Variants in MLLT3 observed in about 807,000 individuals in gnomAD.
The protein encoded by MLLT3 is MLLT3 super elongation complex subunit.
A neutral mutation model predicts 53.2 loss-of-function variants in MLLT3; 4 were observed. That is an observed-to-expected ratio of 0.08 (90% confidence interval 0.04 to 0.17). MLLT3 has a LOEUF of 0.17. Among genes scored for constraint, MLLT3 ranks in the 10% least tolerant of loss-of-function variants. The probability of loss-of-function intolerance (pLI) is 1.00; values close to 1 mark genes in which losing one functional copy is unlikely to be tolerated. For synonymous variants in MLLT3, 283 were observed against 230.6 expected, an observed-to-expected ratio of 1.23 and a Z score of -2.06; for missense variants, 569 against 684.0, an observed-to-expected ratio of 0.83 and a Z score of 1.87.
chr9:20,541,193 G>C (rs1005234304), intron 2 of MLLT3, among the ~76,000 whole-genome samples: 1 of 152,072 alleles, frequency 6.6e-6, no homozygotes, highest in Non-Finnish European at 1.5e-5. Context: ...CAACATTTTT[G>C]TCAAAACCAT....
chr9:20,620,927 G>T lies in MLLT3; in HGVS notation c.13-93C>A. The T allele has an allele frequency of 1.3e-5, 18 of 1,369,970 alleles. No individual in the cohort carries two copies. Among genetic ancestry groups the T allele is most frequent in the African/African-American group, 1.4e-5 (1 of 69,986 alleles). The allele number at this position is 1,369,970 out of a possible 1,614,324, so 84.9% of individuals were successfully genotyped here. A position where few individuals can be genotyped will look rare whatever the true frequency, so the allele number is the denominator to read the frequency against. On this transcript the variant is annotated intron_variant, in intron 1 of 10. Transcript: ENST00000380338. The surrounding 1 kb of genome is among the most constrained non-coding windows in gnomAD (Gnocchi z 6.1). ...GCCTGACATTTTTTTCCTCCTTCTTGAAACGCACATAAAAGGAAACGGCGG... is the reference window on the plus strand; with the variant it reads ...GCCTGACATTTTTTTCCTCCTTCTTTAAACGCACATAAAAGGAAACGGCGG...
intron 2 of MLLT3, among the ~76,000 whole-genome samples, chr9:20,557,894 A>G (rs1819104112): frequency 6.6e-6 from 1 of 152,190 alleles, no homozygotes; most frequent in South Asian, 2.1e-4. Flanking sequence ...TTCATTCCTT[A>G]TCTTGAATCA....
At chr9:20,433,763 C>T (rs914315444) in intron 4 of MLLT3, among the ~76,000 whole-genome samples, 1 of 151,970 alleles carries the variant, frequency 6.6e-6, no homozygotes, top group Non-Finnish European at 1.5e-5. Flanking sequence ...TTGATGGAGG[C>T]TAAGACATGA....
chr9:20,368,713 C>A (rs1214388065), intron 5 of MLLT3, among the ~76,000 whole-genome samples: 1 of 152,074 alleles, frequency 6.6e-6, no homozygotes, highest in Admixed American at 6.6e-5. Flanking sequence ...GAACATAACA[C>A]AACAGGAAAA....
chr9:20,417,763 A>C lies in MLLT3; in HGVS notation c.421-3338T>G, dbSNP rs117405367. On this transcript the variant is annotated intron_variant, in intron 4 of 10. Transcript: ENST00000380338. ...CCTTGTTTTAATTTTTTGGAACAGA[A>C]TGGGTATCTTTAATGTTTAATCTCT... Among the ~76,000 whole-genome samples the C allele has an allele frequency of 3.7e-3, 562 of 152,256 alleles. 2 individuals carry two copies. The highest frequency in any genetic ancestry group is 5.8e-3 in the Admixed American group (88 of 15,288).
chr9:20,478,620 G>A (rs1324996255), intron 2 of MLLT3, among the ~76,000 whole-genome samples: 1 of 152,156 alleles, frequency 6.6e-6, no homozygotes, highest in Non-Finnish European at 1.5e-5. Flanking sequence ...CTATAGTTAA[G>A]ATGGAAGATA....
chr9:20,408,592 G>A (rs939724783), intron 5 of MLLT3, among the ~76,000 whole-genome samples: 2 of 152,146 alleles, frequency 1.3e-5, no homozygotes, highest in Admixed American at 6.5e-5. Flanking sequence ...GCCCCCTGGA[G>A]AGCCAGGGCA....
chr9:20,484,010 C>T (rs973637443), intron 2 of MLLT3, among the ~76,000 whole-genome samples: 1 of 151,950 alleles, frequency 6.6e-6, no homozygotes, highest in Non-Finnish European at 1.5e-5. Context: ...CGTGCCCGGC[C>T]CAGTAAAACT....
chr9:20,487,498 A>C (rs1452546192), intron 2 of MLLT3, among the ~76,000 whole-genome samples: 5 of 152,128 alleles, frequency 3.3e-5, no homozygotes, highest in Admixed American at 3.3e-4. Context: ...AACCGGAGCC[A>C]TGCTTTCCCA....
intron 2 of MLLT3, among the ~76,000 whole-genome samples, chr9:20,570,229 A>G (rs1423180805): frequency 6.6e-6 from 1 of 152,184 alleles, no homozygotes; most frequent in African/African-American, 2.4e-5. Flanking sequence ...AAACTGCATG[A>G]GCAGCCAGAG....
At chr9:20,350,558 G>C (rs1820993460) in intron 10 of MLLT3, among the ~76,000 whole-genome samples, 1 of 143,244 alleles carries the variant, frequency 7.0e-6, no homozygotes, top group Non-Finnish European at 1.5e-5. Context: ...TCCCGCCACT[G>C]CACTCCAGCC....
intron 2 of MLLT3, among the ~76,000 whole-genome samples, chr9:20,595,341 A>G (rs1195816554): frequency 6.6e-6 from 1 of 152,184 alleles, no homozygotes; most frequent in Non-Finnish European, 1.5e-5. Context: ...ACTGCACTCC[A>G]GCCTGAGTGA....
intron 2 of MLLT3, among the ~76,000 whole-genome samples, chr9:20,462,518 C>G (rs1440818214): frequency 6.6e-6 from 1 of 152,122 alleles, no homozygotes; most frequent in Non-Finnish European, 1.5e-5. Context: ...AAACTAGATA[C>G]AGTTAGCGGA....
intron 2 of MLLT3, among the ~76,000 whole-genome samples, chr9:20,590,520 C>T (rs73434564): frequency 0.025 from 3,759 of 152,216 alleles, 173 homozygotes; most frequent in African/African-American, 0.085. Context: ...TTCATTCTCT[C>T]GTGTTCATTG....
chr9:20,575,196 T>C (rs182256042), intron 2 of MLLT3, among the ~76,000 whole-genome samples: 1 of 152,326 alleles, frequency 6.6e-6, no homozygotes, highest in African/African-American at 2.4e-5. Flanking sequence ...TCCAAACTCC[T>C]ATTCGTGTTA....
chr9:20,595,585 A>C (rs550184825), intron 2 of MLLT3, among the ~76,000 whole-genome samples: 7 of 152,200 alleles, frequency 4.6e-5, no homozygotes, highest in Non-Finnish European at 8.8e-5. Flanking sequence ...GCGTTATCAA[A>C]GAAGGAAAAT....
At chr9:20,365,637 A>C (rs374871984) in intron 6 of MLLT3, 32 bp downstream of exon 6, 15 of 1,613,368 alleles carry the variant, frequency 9.3e-6, no homozygotes, top group Non-Finnish European at 1.3e-5. Context: ...TTATGAGAAA[A>C]GCATCTCCTA....
chr9:20,603,960 G>A (rs533575417), intron 2 of MLLT3, among the ~76,000 whole-genome samples: 3 of 152,128 alleles, frequency 2.0e-5, no homozygotes, highest in South Asian at 4.1e-4. Flanking sequence ...ATAGGCAAAG[G>A]CAGTCTTAAA....
At chr9:20,616,565 A>G (rs1251355876) in intron 2 of MLLT3, among the ~76,000 whole-genome samples, 1 of 152,180 alleles carries the variant, frequency 6.6e-6, no homozygotes, top group Admixed American at 6.5e-5. Flanking sequence ...TAAGAGTTTG[A>G]TGCCCGCTAA....
Sources: allele counts gnomAD v4.1 joint callset (sites outside exome capture counted in the v4.1 genomes callset), GRCh38; gene constraint gnomAD v4.1.1; non-coding constraint Gnocchi (gnomAD v3.1); transcripts MANE v1.5; gene names NCBI Gene and HGNC (gene_info 2026-07-23, HGNC 2026-07-21).